The following NAA60 variants were observed in gnomAD, a reference collection of about 807,000 sequenced individuals.
The protein encoded by NAA60 is N-alpha-acetyltransferase 60, NatF catalytic subunit.
In NAA60, 8 loss-of-function variants were observed where a neutral mutation model predicts 26.1. That is an observed-to-expected ratio of 0.31 (90% CI 0.18 to 0.55). The LOEUF is 0.55. NAA60 is among the 20% of genes least tolerant of loss of function. The pLI, the probability that NAA60 is intolerant of heterozygous loss-of-function variation, is 0.93. For missense variants in NAA60, 290 were observed against 311.3 expected (o/e 0.93, Z 0.51); for synonymous variants, 131 against 122.5 (o/e 1.07, Z -0.46).
intron 1 of NAA60, among the ~76,000 whole-genome samples, chr16:3,445,236 T>A (rs981825503): frequency 3.3e-5 from 5 of 152,056 alleles, no homozygotes; most frequent in Non-Finnish European, 5.9e-5. Flanking sequence ...CACTGTGGTG[T>A]TCACGTAGTC....
rs1227221725 is a variant in NAA60 at position 3,479,620 on chromosome 16, G to A, written c.240+20G>A. 1 of 1,612,894 alleles carries A rather than the reference G, an allele frequency of 6.2e-7. No homozygotes were observed. Among genetic ancestry groups the A allele is most frequent in the Non-Finnish European group, 8.5e-7 (1 of 1,179,336 alleles). On this transcript the variant is annotated intron_variant, in intron 4 of 7. Transcript: ENST00000407558. ...AAAGAGGTACGTACGTGTGTGCAGT[G>A]AGGACTTGGCAGTCACTGTCATTGG...
Position 3,484,842 on chromosome 16 carries a change from G to T in NAA60, c.716G>T (p.Ser239Ile). Residue 239 changes from serine (S) to isoleucine (I), a missense_variant, in exon 7 of 8, where the codon AGC becomes ATC. Transcript: ENST00000407558. The stretch of plus-strand genomic sequence containing the variant: ...TCTTCCAAGAGTGGCATCGAGTACA[G>T]CCGGACCATGTGATGTCGGCTGGGC... ...GISSKSGIEY[S>I]RTM 6.4e-7 allele frequency: 1 copy of T among 1,562,082 alleles called. No individual in the cohort carries two copies. Among genetic ancestry groups the T allele is most frequent in the Non-Finnish European group, 8.7e-7 (1 of 1,153,978 alleles).
chr16:3,484,930 C>A lies in NAA60; in HGVS notation c.*75C>A. The A allele has an allele frequency of 6.5e-7, 1 of 1,541,612 alleles. No individual in the cohort carries two copies. On this transcript the variant is annotated 3_prime_UTR_variant, in exon 7 of 8. Transcript: ENST00000407558. ...GCCCGCCTTCCTGTCCATCTGACCC[C>A]TTCTGTTTTCTGCAAGGAGCTGCCA...
At chr16:3,447,312 T>C (rs2034594976) in intron 1 of NAA60, among the ~76,000 whole-genome samples, 1 of 152,234 alleles carries the variant, frequency 6.6e-6, no homozygotes, top group Admixed American at 6.5e-5. Flanking sequence ...ATATTTTTAA[T>C]TTTTATGGGT....
At chr16:3,481,621 G>A (rs147178844) in intron 4 of NAA60, among the ~76,000 whole-genome samples, 7 of 152,320 alleles carry the variant, frequency 4.6e-5, no homozygotes, top group East Asian at 3.9e-4. Context: ...TGGCCTGCAC[G>A]CTGGCACTCA....
At chr16:3,476,074 T>G in intron 2 of NAA60, 148 bp from the exon 3 acceptor site, 1 of 600,608 alleles carries the variant, frequency 1.7e-6, no homozygotes, top group Non-Finnish European at 2.9e-6. Flanking sequence ...GGGAGGGCGA[T>G]CGTGAGAGGC....
At chr16:3,471,724 T>G (rs959113150) in intron 2 of NAA60, among the ~76,000 whole-genome samples, 18 of 152,034 alleles carry the variant, frequency 1.2e-4, no homozygotes, top group Non-Finnish European at 2.4e-4. Context: ...GCCGGTGGTG[T>G]TTTTTTCAGA....
At chr16:3,444,743 C>A (rs1035952395) in intron 1 of NAA60, among the ~76,000 whole-genome samples, 1 of 152,176 alleles carries the variant, frequency 6.6e-6, no homozygotes, top group South Asian at 2.1e-4. Flanking sequence ...CCCAGTGCTT[C>A]TCTGCCACCC....
chr16:3,474,376 C>A (rs936118234), intron 2 of NAA60, among the ~76,000 whole-genome samples: 4 of 152,210 alleles, frequency 2.6e-5, no homozygotes, highest in Non-Finnish European at 5.9e-5. Flanking sequence ...ACTTGGACCC[C>A]ATCAGCTCGT....
chr16:3,447,367 T>C, intron 1 of NAA60: 1 of 553,386 alleles, frequency 1.8e-6, no homozygotes, highest in Non-Finnish European at 2.3e-6. Context: ...AATATTTTGA[T>C]GCAGGCATGC....
intron 5 of NAA60, chr16:3,482,805 C>G: frequency 1.7e-6 from 1 of 604,852 alleles, no homozygotes; most frequent in South Asian, 1.9e-5. Context: ...TTCAGCCATC[C>G]TCTTTCCACA....
At chr16:3,474,946 GTTTA>G (rs143216552) in intron 2 of NAA60, among the ~76,000 whole-genome samples, 2,628 of 152,194 alleles carry the variant, frequency 0.017, 70 homozygotes, top group African/African-American at 0.06. Context: ...TTATGGGTTT[GTTTA>G]TTTATTTATT....
chr16:3,465,393 T>C (rs2035687120), intron 2 of NAA60, among the ~76,000 whole-genome samples: 1 of 152,182 alleles, frequency 6.6e-6, no homozygotes, highest in Non-Finnish European at 1.5e-5. Context: ...TCTTGGGTCA[T>C]GTTCTTGTCT....
rs1044101570 is a variant in NAA60 at position 3,448,480 on chromosome 16, A to G, written c.-67A>G. On this transcript the variant is annotated 5_prime_UTR_variant, in exon 2 of 8. Coordinates refer to ENST00000407558, the MANE Select transcript of NAA60 (RefSeq NM_001083601.3). Reference sequence around the variant, plus strand: ...TCTTTCTCCCCTGCAGCATACAGAAAGGCTGTACCTGGAGGAAGGAAGTGC... The same window carrying G: ...TCTTTCTCCCCTGCAGCATACAGAAGGGCTGTACCTGGAGGAAGGAAGTGC... 3.9e-6 allele frequency: 6 copies of G among 1,535,422 alleles called. No homozygotes were observed. Among genetic ancestry groups the G allele is most frequent in the African/African-American group, 2.7e-5 (2 of 73,020 alleles).
intron 2 of NAA60, among the ~76,000 whole-genome samples, chr16:3,464,111 G>A (rs1035624126): frequency 6.6e-6 from 1 of 152,090 alleles, no homozygotes; most frequent in African/African-American, 2.4e-5. Context: ...TCGGCTCACT[G>A]CACCCTCCGC....
chr16:3,474,929 CATTT>C (rs2036383263), intron 2 of NAA60, among the ~76,000 whole-genome samples: 2 of 152,168 alleles, frequency 1.3e-5, no homozygotes, highest in South Asian at 4.1e-4. Context: ...CATCTTTTCC[CATTT>C]ATTTATGGGT....
At chr16:3,466,856 C>T (rs187261478) in intron 2 of NAA60, among the ~76,000 whole-genome samples, 1 of 152,162 alleles carries the variant, frequency 6.6e-6, no homozygotes, top group Non-Finnish European at 1.5e-5. Context: ...TGTTGGTGCA[C>T]CTTCACCAGT....
chr16:3,481,444 G>A (rs2036825020), intron 4 of NAA60, among the ~76,000 whole-genome samples: 1 of 151,760 alleles, frequency 6.6e-6, no homozygotes, highest in Admixed American at 6.6e-5. Context: ...TCATTCCCCT[G>A]AACCCCATCC....
At chr16:3,481,640 G>A (rs1002845085) in intron 4 of NAA60, among the ~76,000 whole-genome samples, 1 of 152,180 alleles carries the variant, frequency 6.6e-6, no homozygotes, top group East Asian at 1.9e-4. Flanking sequence ...CATTCATCTG[G>A]CCCCTTCCTC....
Sources: gnomAD v4.1 joint callset for allele counts (sites outside exome capture counted in the v4.1 genomes callset) on GRCh38, gnomAD v4.1.1 for gene constraint, MANE v1.5 for transcripts, NCBI Gene and HGNC (gene_info 2026-07-23, HGNC 2026-07-21) for gene names.